MTMR2: variants seen among roughly 807,000 people sequenced by gnomAD.
MTMR2 encodes the protein phosphatidylinositol-3,5-bisphosphate 3-phosphatase MTMR2.
A neutral mutation model predicts 86.9 loss-of-function variants in MTMR2; 55 were observed. The observed-to-expected ratio is 0.63, with a 90% confidence interval of 0.51 to 0.79. MTMR2 has a LOEUF of 0.79. Among genes scored for constraint, MTMR2 ranks in the 30% least tolerant of loss-of-function variants. MTMR2 has a pLI of 0.00. For synonymous variants in MTMR2, 241 were observed against 266.8 expected (o/e 0.90, Z 0.94); for missense variants, 659 against 772.3 (o/e 0.85, Z 1.74).
intron 10 of MTMR2, among the ~76,000 whole-genome samples, chr11:95,847,452 T>C (rs1451862522): frequency 1.3e-5 from 2 of 152,114 alleles, no homozygotes; most frequent in Non-Finnish European, 2.9e-5. Context: ...AAATGAAATA[T>C]GAACTGGAAT....
chr11:95,888,301 G>T, intron 1 of MTMR2, 40 bp from the exon 2 acceptor site: 1 of 1,405,216 alleles, frequency 7.1e-7, no homozygotes, highest in Non-Finnish European at 1.0e-6. Context: ...AAAAATGGGG[G>T]CTTCAAAGAC....
chr11:95,889,591 A>G (rs1287912171), intron 1 of MTMR2, among the ~76,000 whole-genome samples: 2 of 151,882 alleles, frequency 1.3e-5, no homozygotes, highest in African/African-American at 4.8e-5. Flanking sequence ...TCCTGGCCTC[A>G]AACGATCCTC....
chr11:95,900,137 T>A (rs977177566), intron 1 of MTMR2, among the ~76,000 whole-genome samples: 4 of 152,088 alleles, frequency 2.6e-5, no homozygotes, highest in African/African-American at 9.7e-5. Context: ...GCGAGCAGGT[T>A]TGGCTAGGAT....
At chr11:95,840,363 G>A (rs118169439) in intron 12 of MTMR2, among the ~76,000 whole-genome samples, 2,563 of 152,090 alleles carry the variant, frequency 0.017, 37 homozygotes, top group South Asian at 0.064. Context: ...TCAAAAGTGG[G>A]GTCCTAATGT....
At chr11:95,838,707 T>TA (rs1863405817) in intron 12 of MTMR2, among the ~76,000 whole-genome samples, 1 of 152,032 alleles carries the variant, frequency 6.6e-6, no homozygotes, top group Admixed American at 6.6e-5. Context: ...AAATGGCAAT[T>TA]ACTTTTGCAC....
At chr11:95,912,348 T>G (rs1464495600) in intron 1 of MTMR2, among the ~76,000 whole-genome samples, 1 of 151,916 alleles carries the variant, frequency 6.6e-6, no homozygotes. Context: ...AGTACAATCT[T>G]GTTTCCATGG....
intron 2 of MTMR2, among the ~76,000 whole-genome samples, chr11:95,865,905 T>C (rs993219755): frequency 2.1e-5 from 3 of 145,396 alleles, no homozygotes; most frequent in African/African-American, 8.6e-5. Context: ...TCTACATTTG[T>C]TACACAAAAA....
intron 10 of MTMR2, among the ~76,000 whole-genome samples, chr11:95,846,356 T>C (rs1024927843): frequency 2.0e-5 from 3 of 152,210 alleles, no homozygotes; most frequent in Non-Finnish European, 2.9e-5. Flanking sequence ...ACAAAGTTCC[T>C]GCTTACTGAA....
intron 7 of MTMR2, among the ~76,000 whole-genome samples, chr11:95,852,971 G>T (rs1864077169): frequency 6.6e-6 from 1 of 151,654 alleles, no homozygotes; most frequent in Admixed American, 6.6e-5. Flanking sequence ...GGAGGTGAAG[G>T]TTGCAGCGAG....
intron 12 of MTMR2, among the ~76,000 whole-genome samples, chr11:95,838,792 A>G (rs1863410045): frequency 6.6e-6 from 1 of 152,022 alleles, no homozygotes; most frequent in Non-Finnish European, 1.5e-5. Flanking sequence ...GGCAGCATCT[A>G]ACAAAAAGAA....
At chr11:95,841,123 T>C (rs1032745795) in intron 12 of MTMR2, among the ~76,000 whole-genome samples, 2 of 152,104 alleles carry the variant, frequency 1.3e-5, no homozygotes, top group African/African-American at 4.8e-5. Context: ...ATAATAGCTC[T>C]CTCTATGCCA....
chr11:95,862,659 G>A (rs1177251148), intron 3 of MTMR2, among the ~76,000 whole-genome samples: 10 of 152,176 alleles, frequency 6.6e-5, no homozygotes, highest in African/African-American at 2.4e-4. Flanking sequence ...AAACAGGTGT[G>A]GGTAGCTGCA....
intron 11 of MTMR2, among the ~76,000 whole-genome samples, 200 bp downstream of exon 11, chr11:95,844,753 A>T (rs1314239712): frequency 6.6e-6 from 1 of 152,166 alleles, no homozygotes; most frequent in African/African-American, 2.4e-5. Flanking sequence ...ACTGGGTCAG[A>T]CACTTGACAA....
intron 1 of MTMR2, among the ~76,000 whole-genome samples, chr11:95,891,086 A>G (rs572402125): frequency 2.0e-5 from 3 of 152,294 alleles, no homozygotes; most frequent in African/African-American, 7.2e-5. Context: ...ATATAACTTG[A>G]AATTATGGAG....
At position 95,835,056 on chromosome 11, in the gene MTMR2, A is replaced by ATTCTT; in HGVS notation, c.*229_*233dup. 5.8e-6 allele frequency: 3 copies of ATTCTT among 518,906 alleles called. No individual in the cohort carries two copies. In the South Asian group the frequency reaches 6.9e-5, roughly 12 times the overall value. 32.1% of individuals were successfully genotyped at this position (518,906 alleles called of 1,614,324 possible). A position where few individuals can be genotyped will look rare whatever the true frequency, so the allele number is the denominator to read the frequency against. On this transcript the variant is annotated 3_prime_UTR_variant, in exon 15 of 15. Coordinates refer to ENST00000346299, the MANE Select transcript of MTMR2 (RefSeq NM_016156.6). Reference sequence around the variant, plus strand: ...GAATCCAGGATTGAAGTATTTTAATATTCTTTGGATACTTAAAAGATTAGT... The same window carrying ATTCTT: ...GAATCCAGGATTGAAGTATTTTAATATTCTTTTCTTTGGATACTTAAAAGATTAGT...
At position 95,862,312 on chromosome 11, in the gene MTMR2, G is replaced by A. The variant is rs1055309293; in HGVS notation, c.317C>T (p.Thr106Ile). 1.2e-6 allele frequency: 2 copies of A among 1,613,922 alleles called. No homozygotes were observed. The highest frequency in any genetic ancestry group is 1.1e-5 in the South Asian group (1 of 91,076). ...PFTGAVRGTL[T>I]VTNYRLYFKS... Reference sequence around the variant, plus strand: ...GAAATATAACCTATAATTCGTGACAGTCAGAGTTCCTCGTACAGCGCCAGT... The same window carrying A: ...GAAATATAACCTATAATTCGTGACAATCAGAGTTCCTCGTACAGCGCCAGT... The change falls in exon 4 of 15, where the codon ACT becomes ATT. Residue 106 changes from threonine (T) to isoleucine (I), a missense_variant. Coordinates refer to ENST00000346299, the MANE Select transcript of MTMR2 (RefSeq NM_016156.6).
chr11:95,844,899 C>T (rs1863707090), intron 11 of MTMR2, 54 bp downstream of exon 11: 3 of 1,446,562 alleles, frequency 2.1e-6, no homozygotes, highest in Non-Finnish European at 2.9e-6. Flanking sequence ...ATTTTTTTCA[C>T]ATGCCTTGGC....
chr11:95,918,422 G>T (rs1866788298), intron 1 of MTMR2, among the ~76,000 whole-genome samples: 1 of 152,172 alleles, frequency 6.6e-6, no homozygotes, highest in South Asian at 2.1e-4. Context: ...ATTGATAATA[G>T]CATAAAAAGG....
At chr11:95,842,997 G>GTA (rs1303392383) in intron 11 of MTMR2, among the ~76,000 whole-genome samples, 3 of 151,930 alleles carry the variant, frequency 2.0e-5, no homozygotes. Flanking sequence ...ACTGCATGTA[G>GTA]TATGGTAGGA....
Sources: allele counts gnomAD v4.1 joint callset (sites outside exome capture counted in the v4.1 genomes callset), GRCh38; gene constraint gnomAD v4.1.1; transcripts MANE v1.5; gene names NCBI Gene and HGNC (gene_info 2026-07-23, HGNC 2026-07-21).